The following UNC80 variants were observed in gnomAD, a reference collection of about 807,000 sequenced individuals.
The protein encoded by UNC80 is unc-80 subunit of NALCN channel complex.
A neutral mutation model predicts 384.6 loss-of-function variants in UNC80; 164 were observed. That is an observed-to-expected ratio of 0.43 (90% CI 0.38 to 0.49). UNC80 has a LOEUF of 0.49. Among genes scored for constraint, UNC80 ranks in the 20% least tolerant of loss-of-function variants. The pLI, the probability that UNC80 is intolerant of heterozygous loss-of-function variation, is 0.00. For missense variants in UNC80, 3,330 were observed against 4,143.0 expected, an observed-to-expected ratio of 0.80 and a Z score of 5.39; for synonymous variants, 1,486 against 1,527.8, an observed-to-expected ratio of 0.97 and a Z score of 0.64.
intron 18 of UNC80, among the ~76,000 whole-genome samples, chr2:209,835,349 A>AT (rs1380749156): frequency 6.6e-6 from 1 of 152,136 alleles, no homozygotes; most frequent in Non-Finnish European, 1.5e-5. Flanking sequence ...ATCACTTATA[A>AT]TTTTTTAAAA....
At chr2:209,842,198 A>T (rs2081814202) in intron 20 of UNC80, among the ~76,000 whole-genome samples, 152 bp from the exon 21 acceptor site, 1 of 152,214 alleles carries the variant, frequency 6.6e-6, no homozygotes, top group African/African-American at 2.4e-5. Flanking sequence ...AACTACACTG[A>T]TGACCAAACT....
At chr2:209,800,029 T>G (rs527460065) in intron 7 of UNC80, among the ~76,000 whole-genome samples, 2 of 152,202 alleles carry the variant, frequency 1.3e-5, no homozygotes, top group South Asian at 2.1e-4. Flanking sequence ...GCCTGAAATT[T>G]TTTTTGTTGT....
intron 23 of UNC80, among the ~76,000 whole-genome samples, chr2:209,874,583 A>ATGTGCCTAATTCTCT (rs1461861906): frequency 6.6e-6 from 1 of 152,156 alleles, no homozygotes; most frequent in East Asian, 1.9e-4. Flanking sequence ...CATGCTTCAG[A>ATGTGCCTAATTCTCT]GTTTCCTTGC....
In UNC80 at chr2:209,775,942, C is replaced by T. The variant is rs1386107484; in HGVS notation, c.195C>T (p.Leu65=). ...ENKLHGLSPA[L]SEAIQSISRW... is the part of the protein sequence containing the mutation. ...AGCTGCATGGCCTCTCTCCAGCTCT[C>T]TCTGAAGCCATCCAGAGCATTTCCA... Residue 65 remains leucine, a synonymous_variant, in exon 3 of 65, where the codon CTC becomes CTT. Transcript: ENST00000673920. 2 of 1,614,048 alleles carry T rather than the reference C, an allele frequency of 1.2e-6. No homozygotes were observed. Among genetic ancestry groups the T allele is most frequent in the African/African-American group, 1.3e-5 (1 of 74,916 alleles).
At chr2:209,881,752 A>G (rs1444724156) in intron 25 of UNC80, among the ~76,000 whole-genome samples, 3 of 152,130 alleles carry the variant, frequency 2.0e-5, no homozygotes, top group Non-Finnish European at 2.9e-5. Flanking sequence ...AGGCATGTTC[A>G]CAGAGTGTGT....
At chr2:209,960,814 A>G (rs982924298) in intron 51 of UNC80, 4 of 152,238 alleles carry the variant, frequency 2.6e-5, no homozygotes, top group Non-Finnish European at 4.4e-5. Flanking sequence ...AGCTTATTTC[A>G]CACTGAGAAG....
chr2:209,943,605 G>T, intron 45 of UNC80, 91 bp downstream of exon 45: 1 of 1,441,294 alleles, frequency 6.9e-7, no homozygotes, highest in Non-Finnish European at 9.4e-7. Flanking sequence ...CAAGGGAGTT[G>T]GCTACCATCA....
chr2:209,940,907 G>A (rs896136838), intron 43 of UNC80, among the ~76,000 whole-genome samples: 3 of 152,178 alleles, frequency 2.0e-5, no homozygotes, highest in African/African-American at 7.2e-5. Flanking sequence ...CCAAGCAGTA[G>A]TCCCATCCCT....
chr2:209,895,160 A>C (rs922347069), intron 27 of UNC80, among the ~76,000 whole-genome samples: 1 of 152,210 alleles, frequency 6.6e-6, no homozygotes, highest in Admixed American at 6.5e-5. Context: ...GGCCCTAATT[A>C]GTATCTTAAT....
chr2:209,961,309 T>A (rs1353682469), intron 51 of UNC80: 1 of 152,152 alleles, frequency 6.6e-6, no homozygotes, highest in African/African-American at 2.4e-5. Context: ...CTAATGCTAA[T>A]GAGAATGGTT....
chr2:209,889,415 A>G (rs539523454), intron 26 of UNC80, among the ~76,000 whole-genome samples: 1 of 152,348 alleles, frequency 6.6e-6, no homozygotes, highest in East Asian at 1.9e-4. Flanking sequence ...ATTAACTTAA[A>G]TTCACCCACT....
At position 209,896,383 on chromosome 2, in the gene UNC80, G is replaced by T. The variant is rs1284322059; in HGVS notation, c.4551G>T (p.Glu1517Asp). Residue 1517 changes from glutamate to aspartate, a missense_variant, in exon 28 of 65, where the codon GAG becomes GAT. Coordinates refer to ENST00000673920, the MANE Select transcript of UNC80 (RefSeq NM_001371986.1). Reference sequence around the variant, plus strand: ...GAATGAGTAATGCCGGCGCGGAGGAGAATTACCACAGAAACATGTCGTGGC... The same window carrying T: ...GAATGAGTAATGCCGGCGCGGAGGATAATTACCACAGAAACATGTCGTGGC... ...PEGMSNAGAEENYHRNMSWLH... is the reference protein window; with the variant it reads ...PEGMSNAGAEDNYHRNMSWLH... 4 of 1,551,434 alleles carry T rather than the reference G, an allele frequency of 2.6e-6. No homozygotes were observed. The highest frequency in any genetic ancestry group is 3.5e-6 in the Non-Finnish European group (4 of 1,146,942).
chr2:209,901,401 A>T (rs1167510001), intron 28 of UNC80, among the ~76,000 whole-genome samples: 1 of 152,172 alleles, frequency 6.6e-6, no homozygotes, highest in Non-Finnish European at 1.5e-5. Flanking sequence ...GTTTCACAGC[A>T]TGGTTTCCTG....
At chr2:209,853,612 ATT>A (rs2082686131) in intron 22 of UNC80, among the ~76,000 whole-genome samples, 1 of 152,094 alleles carries the variant, frequency 6.6e-6, no homozygotes. Context: ...TCATCTCTAG[ATT>A]TATATAATCT....
chr2:209,941,631 C>A lies in UNC80; in HGVS notation c.6915+142C>A, dbSNP rs187034932. On this transcript the variant is annotated intron_variant, in intron 44 of 64. Transcript: ENST00000673920. The stretch of plus-strand genomic sequence containing the variant: ...ACAACAGAAGGCAACAAATGAAATC[C>A]CCCCATAAATTTGCAAGAGTTCACA... 20 of 1,033,312 alleles carry A rather than the reference C, an allele frequency of 1.9e-5. No individual in the cohort carries two copies. In the East Asian group the frequency reaches 4.8e-4, roughly 25 times the overall value. The allele number at this position is 1,033,312 out of a possible 1,614,324, so 64.0% of individuals were successfully genotyped here.
At chr2:209,813,056 A>C (rs1351001208) in intron 7 of UNC80, among the ~76,000 whole-genome samples, 3 of 152,220 alleles carry the variant, frequency 2.0e-5, no homozygotes, top group Non-Finnish European at 4.4e-5. Flanking sequence ...ATTTTACATA[A>C]TATTTTCACA....
chr2:209,936,967 G>C, intron 41 of UNC80, 34 bp downstream of exon 41: 1 of 1,432,872 alleles, frequency 7.0e-7, no homozygotes, highest in South Asian at 1.2e-5. Context: ...CCGTTGAGTT[G>C]TGCCAAAGGC....
chr2:209,844,569 T>C (rs2082042016), intron 21 of UNC80, among the ~76,000 whole-genome samples: 1 of 148,166 alleles, frequency 6.7e-6, no homozygotes, highest in South Asian at 2.2e-4. Context: ...CAAATCTCCT[T>C]CTTTCTTTCT....
chr2:209,921,691 C>G lies in UNC80; in HGVS notation c.5530+5C>G, dbSNP rs1490492083. ...ACTCAGAACCGGAAGAAGAAGGTGC[C>G]CTCTGCACACAGGACTTCTTGGGGG... On this transcript the variant is annotated splice_donor_5th_base_variant and intron_variant, in intron 34 of 64. Transcript: ENST00000673920. 1.0e-5 allele frequency: 16 copies of G among 1,543,374 alleles called. No individual in the cohort carries two copies. Among genetic ancestry groups the G allele is most frequent in the Non-Finnish European group, 1.3e-5 (15 of 1,143,932 alleles).
Sources: allele counts gnomAD v4.1 joint callset (sites outside exome capture counted in the v4.1 genomes callset), GRCh38; gene constraint gnomAD v4.1.1; transcripts MANE v1.5; gene names NCBI Gene and HGNC (gene_info 2026-07-23, HGNC 2026-07-21).